The following PTPRN2 variants were observed in gnomAD, a reference collection of about 807,000 sequenced individuals.
The protein encoded by PTPRN2 is receptor-type tyrosine-protein phosphatase N2.
Under a neutral mutation model 118.8 loss-of-function variants are expected in PTPRN2, and 74 were observed. That is an observed-to-expected ratio of 0.62 (90% CI 0.52 to 0.76). The LOEUF is 0.76. Among genes scored for constraint, PTPRN2 ranks in the 30% least tolerant of loss-of-function variants. The pLI, the probability that PTPRN2 is intolerant of heterozygous loss-of-function variation, is 0.00. For missense variants in PTPRN2, 1,481 were observed against 1,394.4 expected (o/e 1.06, Z -0.99); for synonymous variants, 641 against 608.0 (o/e 1.05, Z -0.80).
At chr7:158,312,368 G>C (rs1238781181) in intron 3 of PTPRN2, among the ~76,000 whole-genome samples, 2 of 136,680 alleles carry the variant, frequency 1.5e-5, no homozygotes. Context: ...ACACACACAT[G>C]CACACATGCA....
intron 22 of PTPRN2, among the ~76,000 whole-genome samples, chr7:157,543,760 G>A (rs1798124032): frequency 6.6e-6 from 1 of 152,244 alleles, no homozygotes; most frequent in Admixed American, 6.5e-5. Flanking sequence ...ACATAACTGC[G>A]GGGCAGCTTC....
intron 11 of PTPRN2, among the ~76,000 whole-genome samples, chr7:157,965,922 C>A (rs184026772): frequency 6.6e-6 from 1 of 152,218 alleles, no homozygotes; most frequent in Non-Finnish European, 1.5e-5. Context: ...AGCCACTGAA[C>A]GCCTCTGTGC....
At chr7:158,085,382 GCCCA>G (rs1813261613) in intron 10 of PTPRN2, among the ~76,000 whole-genome samples, 2 of 11,872 alleles carry the variant, frequency 1.7e-4, no homozygotes, top group Non-Finnish European at 2.8e-4. Context: ...ATCCACACAT[GCCCA>G]TCCACACCCA....
chr7:158,308,841 T>C (rs184452444), intron 3 of PTPRN2, among the ~76,000 whole-genome samples: 13 of 152,234 alleles, frequency 8.5e-5, no homozygotes, highest in African/African-American at 3.1e-4. Context: ...ACAGAAATAC[T>C]ATAAGTAATC....
intron 8 of PTPRN2, 72 bp from the exon 9 acceptor site, chr7:158,134,131 G>C: frequency 1.3e-6 from 2 of 1,509,492 alleles, no homozygotes; most frequent in Non-Finnish European, 1.8e-6. Flanking sequence ...ATCAAGGGCT[G>C]CCCGGGACAG....
intron 11 of PTPRN2, among the ~76,000 whole-genome samples, chr7:157,920,017 T>G (rs1439291909): frequency 6.6e-6 from 1 of 152,202 alleles, no homozygotes; most frequent in Non-Finnish European, 1.5e-5. Flanking sequence ...AGCAGCGCTG[T>G]CCCATACAAC....
chr7:157,687,379 T>C (rs909291417), intron 12 of PTPRN2, among the ~76,000 whole-genome samples: 4 of 152,222 alleles, frequency 2.6e-5, no homozygotes, highest in Non-Finnish European at 5.9e-5. Context: ...TTGTGTGATA[T>C]AACCAGTTAA....
intron 12 of PTPRN2, among the ~76,000 whole-genome samples, chr7:157,715,432 G>T (rs939707825): frequency 6.6e-6 from 1 of 152,240 alleles, no homozygotes; most frequent in African/African-American, 2.4e-5. Flanking sequence ...GCATGAGGAG[G>T]CTGCTGTGTG....
chr7:158,032,344 C>T (rs758675236), intron 11 of PTPRN2, among the ~76,000 whole-genome samples: 2 of 152,304 alleles, frequency 1.3e-5, no homozygotes, highest in South Asian at 4.1e-4. Context: ...CCCTGGCCCT[C>T]TCCTGCCCCT....
intron 11 of PTPRN2, among the ~76,000 whole-genome samples, chr7:157,917,730 G>A (rs1333423568): frequency 1.3e-5 from 2 of 151,912 alleles, no homozygotes; most frequent in South Asian, 2.1e-4. Flanking sequence ...AATTTTCAAC[G>A]CGTGGTCCTG....
chr7:158,167,072 G>T lies in PTPRN2; in HGVS notation c.769C>A (p.Pro257Thr). The T allele has an allele frequency of 1.1e-5, 17 of 1,599,556 alleles. No homozygotes were observed. The highest frequency in any genetic ancestry group is 1.4e-5 in the Non-Finnish European group (16 of 1,171,934). The change falls in exon 6 of 23, where the codon CCC becomes ACC. Residue 257 changes from proline (P) to threonine (T), a missense_variant. Pro to Thr is a conservative substitution (Grantham distance 38, BLOSUM62 -1). Coordinates refer to ENST00000389418, the MANE Select transcript of PTPRN2 (RefSeq NM_002847.5). ...SAYAAQRPPA[P>T]PGEGSLEPQY... ...GGCTCCAGGCTGCCCTCCCCGGGGG[G>T]AGCTGGGGGCCTCTGGGCAGCATAG...
intron 1 of PTPRN2, among the ~76,000 whole-genome samples, chr7:158,521,388 T>C (rs1184221315): frequency 6.6e-6 from 1 of 152,226 alleles, no homozygotes; most frequent in Admixed American, 6.5e-5. Context: ...GGGTGAATTA[T>C]TTCTGGAAAT....
chr7:157,601,412 C>T (rs1317981431), intron 16 of PTPRN2, among the ~76,000 whole-genome samples: 5 of 151,600 alleles, frequency 3.3e-5, no homozygotes, highest in Non-Finnish European at 5.9e-5. Context: ...GAGGCACCAT[C>T]GATTTCTTCT....
chr7:158,353,678 C>T (rs1330009635), intron 2 of PTPRN2, among the ~76,000 whole-genome samples: 1 of 152,164 alleles, frequency 6.6e-6, no homozygotes, highest in Non-Finnish European at 1.5e-5. Context: ...AACAGAAAAA[C>T]CCCGAACAGA....
At chr7:157,589,912 C>G (rs1472159337) in intron 17 of PTPRN2, among the ~76,000 whole-genome samples, 3 of 152,232 alleles carry the variant, frequency 2.0e-5, no homozygotes, top group Non-Finnish European at 4.4e-5. Flanking sequence ...GGGTGGTGCT[C>G]TATGCCGAGG....
chr7:158,586,209 G>A (rs751749007), intron 1 of PTPRN2, among the ~76,000 whole-genome samples: 3 of 152,242 alleles, frequency 2.0e-5, no homozygotes, highest in Non-Finnish European at 2.9e-5. Flanking sequence ...AGGTTAGGGA[G>A]TGTGAGGAAA....
At chr7:158,085,289 C>T (rs1179034830) in intron 10 of PTPRN2, among the ~76,000 whole-genome samples, 6 of 133,254 alleles carry the variant, frequency 4.5e-5, no homozygotes, top group African/African-American at 1.8e-4. Flanking sequence ...CCCATCCACA[C>T]CCACGACGCC....
rs1056505988 is a variant in PTPRN2, at chr7:157,780,974, C to A, written c.1789-98037G>T. On this transcript the variant is annotated intron_variant, in intron 12 of 22. Transcript: ENST00000389418. This position sits in a 1 kb window ranked among gnomAD's most constrained non-coding sequence, Gnocchi z 4.5. ...TGAGCCAGGCAGCTCCAGGCCAAAC[C>A]TTCTCTGGCCTCCTGCCGCTCACGG... 1.3e-5 allele frequency among the ~76,000 whole-genome samples: 2 copies of A among 152,224 alleles called. No individual in the cohort carries two copies. Among genetic ancestry groups the A allele is most frequent in the Admixed American group, 1.3e-4 (2 of 15,284 alleles).
chr7:157,679,909 C>G (rs1322213803), intron 13 of PTPRN2, among the ~76,000 whole-genome samples: 1 of 152,098 alleles, frequency 6.6e-6, no homozygotes, highest in Non-Finnish European at 1.5e-5. Context: ...GGACGCAGCT[C>G]TACACCCTGA....
Sources: gnomAD v4.1 joint callset for allele counts (sites outside exome capture counted in the v4.1 genomes callset) on GRCh38, gnomAD v4.1.1 for gene constraint, Gnocchi (gnomAD v3.1) non-coding constraint, MANE v1.5 for transcripts, NCBI Gene and HGNC (gene_info 2026-07-23, HGNC 2026-07-21) for gene names.